The following RARS1 variants were observed in gnomAD, a reference collection of about 807,000 sequenced individuals.
The protein encoded by RARS1 is arginyl-tRNA synthetase 1, also known as arginine--tRNA ligase, cytoplasmic.
In RARS1, 75 loss-of-function variants were observed where a neutral mutation model predicts 78.7. The ratio of observed to expected loss-of-function variants is 0.95; its 90% CI spans 0.79 to 1.15. The LOEUF is 1.15. RARS1 is among the 50% of genes most tolerant of loss of function. The pLI, the probability that RARS1 is intolerant of heterozygous loss-of-function variation, is 0.00. For missense variants in RARS1, 787 were observed against 787.5 expected (o/e 1.00, Z 0.01); for synonymous variants, 273 against 268.2 (o/e 1.02, Z -0.18).
chr5:168,491,883 G>C (rs1758093116), intron 2 of RARS1, among the ~76,000 whole-genome samples: 2 of 149,278 alleles, frequency 1.3e-5, no homozygotes, highest in Admixed American at 1.3e-4. Context: ...ACATAAAATT[G>C]ACAAACATAA....
intron 9 of RARS1, among the ~76,000 whole-genome samples, chr5:168,502,384 A>ATATTTTTTTTTTTTTTT (rs1280220276): frequency 2.4e-5 from 3 of 127,244 alleles, no homozygotes; most frequent in African/African-American, 9.5e-5. Flanking sequence ...ATATATATAT[A>ATATTTTTTTTTTTTTTT]TTTTTTTTTT....
chr5:168,512,696 C>T (rs950877952), intron 12 of RARS1, among the ~76,000 whole-genome samples: 21 of 152,086 alleles, frequency 1.4e-4, no homozygotes, highest in African/African-American at 4.8e-4. Flanking sequence ...AGATGTAGGC[C>T]GAGAAGCTAG....
intron 6 of RARS1, among the ~76,000 whole-genome samples, chr5:168,496,024 A>G (rs1207251030): frequency 2.0e-5 from 3 of 152,102 alleles, no homozygotes; most frequent in Non-Finnish European, 4.4e-5. Flanking sequence ...TTTAAATAAT[A>G]CAAATTAAAG....
chr5:168,495,735 G>A (rs148030195), intron 6 of RARS1, among the ~76,000 whole-genome samples: 14 of 152,338 alleles, frequency 9.2e-5, no homozygotes, highest in East Asian at 1.9e-4. Flanking sequence ...CTAGCAGGGA[G>A]AGAAGTAGTA....
rs139893061 is a variant in RARS1 at position 168,516,714 on chromosome 5, A to G, written c.1453-64A>G. On this transcript the variant is annotated intron_variant, in intron 12 of 14. Transcript: ENST00000231572. ...TGTTCCCTACCCCAGTCTTATGCCT[A>G]TGAGACACCAGGGCAGAAGCAGCAG... 92 of 1,529,986 alleles carry G rather than the reference A, an allele frequency of 6.0e-5. No individual in the cohort carries two copies. The African/African-American group carries it at 1.2e-3, about 20-fold the overall frequency. 94.8% of individuals were successfully genotyped at this position (1,529,986 alleles called of 1,614,324 possible).
Position 168,518,011 on chromosome 5 carries a change from T to C in RARS1, c.1822T>C (p.Phe608Leu). Residue 608 changes from phenylalanine to leucine, a missense_variant, in exon 14 of 15, where the codon TTC becomes CTC. Phe to Leu is a conservative substitution (Grantham distance 22). Transcript: ENST00000231572. ...CDYIYELATA[F>L]TEFYDSCYCV... is the part of the protein sequence containing the mutation. ...TTATATATATGAGCTGGCAACTGCT[T>C]TCACAGAGTTCTATGATAGCTGCTA... 6.2e-7 allele frequency: 1 copy of C among 1,610,542 alleles called. No individual in the cohort carries two copies. Among genetic ancestry groups the C allele is most frequent in the Non-Finnish European group, 8.5e-7 (1 of 1,178,926 alleles).
At chr5:168,491,946 C>CTTTT (rs149780336) in intron 2 of RARS1, among the ~76,000 whole-genome samples, 16 of 102,614 alleles carry the variant, frequency 1.6e-4, no homozygotes, top group Non-Finnish European at 2.6e-4. Flanking sequence ...TGTCATTCAC[C>CTTTT]TTTTTTTTTT....
chr5:168,516,896 T>C lies in RARS1; in HGVS notation c.1571T>C (p.Leu524Pro), dbSNP rs756498970. The change falls in exon 13 of 15, where the codon CTA becomes CCA. Residue 524 changes from leucine to proline, a missense_variant. Leu to Pro is a moderately conservative substitution (Grantham distance 98). Transcript: ENST00000231572. ...NDYIFSFDKM[L>P]DDRGNTAAYL... ...TACATCTTCTCCTTTGACAAAATGCTAGATGACAGAGGAAATACAGCTGCT... is the reference window on the plus strand; with the variant it reads ...TACATCTTCTCCTTTGACAAAATGCCAGATGACAGAGGAAATACAGCTGCT... 1 of 1,614,168 alleles carries C rather than the reference T, an allele frequency of 6.2e-7. No homozygotes were observed. Among genetic ancestry groups the C allele is most frequent in the Non-Finnish European group, 8.5e-7 (1 of 1,179,986 alleles).
At chr5:168,507,273 C>T (rs1561825600) in intron 11 of RARS1, among the ~76,000 whole-genome samples, 2 of 152,136 alleles carry the variant, frequency 1.3e-5, no homozygotes, top group African/African-American at 2.4e-5. Context: ...GTTATGTTCT[C>T]TCCAAAAATA....
chr5:168,517,744 A>C, intron 13 of RARS1, 71 bp from the exon 14 acceptor site: 1 of 1,109,450 alleles, frequency 9.0e-7, no homozygotes, highest in Non-Finnish European at 1.2e-6. Flanking sequence ...GATAATTTCG[A>C]GTGGAGAATG....
chr5:168,516,739 G>A (rs752421204), intron 12 of RARS1, 39 bp from the exon 13 acceptor site: 2 of 1,602,008 alleles, frequency 1.2e-6, no homozygotes, highest in African/African-American at 2.7e-5. Flanking sequence ...AGAAGCAGCA[G>A]TCAGTAAGCT....
chr5:168,505,652 T>C (rs1758427013), intron 9 of RARS1, among the ~76,000 whole-genome samples: 1 of 141,512 alleles, frequency 7.1e-6, no homozygotes, highest in Admixed American at 7.6e-5. Context: ...GACAGGAGAA[T>C]CACTTGAGCC....
intron 6 of RARS1, among the ~76,000 whole-genome samples, chr5:168,496,318 G>A (rs1242977879): frequency 1.3e-5 from 2 of 149,190 alleles, no homozygotes; most frequent in Admixed American, 6.7e-5. Flanking sequence ...GGCAGAGATA[G>A]CAGTGAGCTG....
Position 168,486,471 on chromosome 5 carries a change from A to C in RARS1, c.-28A>C, listed in dbSNP as rs1284067558. On this transcript the variant is annotated 5_prime_UTR_variant, in exon 1 of 15. Coordinates refer to ENST00000231572, the MANE Select transcript of RARS1 (RefSeq NM_002887.4). ...AGGCTGACCGTTTCCGCTTCCGTCCACTTGGCGAGTGAGACGCTGATGGGA... is the reference window on the plus strand; with the variant it reads ...AGGCTGACCGTTTCCGCTTCCGTCCCCTTGGCGAGTGAGACGCTGATGGGA... 6.4e-7 allele frequency: 1 copy of C among 1,553,812 alleles called. No individual in the cohort carries two copies. Among genetic ancestry groups the C allele is most frequent in the Non-Finnish European group, 8.7e-7 (1 of 1,147,664 alleles).
chr5:168,496,120 T>TG lies in RARS1; in HGVS notation c.701+684_701+685insG, dbSNP rs368259852. 3.9e-3 allele frequency among the ~76,000 whole-genome samples: 597 copies of TG among 151,980 alleles called. 3 individuals carry two copies. The highest frequency in any genetic ancestry group is 0.014 in the African/African-American group (568 of 41,478). Reference sequence around the variant, plus strand: ...GTTAGGCCAGGCACGGTGGCTCACGTCTGTAAACCCAGCACTTTGGGAGGC... The same window carrying TG: ...GTTAGGCCAGGCACGGTGGCTCACGTGCTGTAAACCCAGCACTTTGGGAGGC... On this transcript the variant is annotated intron_variant, in intron 6 of 14. Coordinates refer to ENST00000231572, the MANE Select transcript of RARS1 (RefSeq NM_002887.4).
At chr5:168,497,156 A>G (rs981205537) in intron 6 of RARS1, 72 bp from the exon 7 acceptor site, 17 of 1,173,142 alleles carry the variant, frequency 1.4e-5, no homozygotes, top group Admixed American at 3.7e-5. Context: ...CTAATGGAAT[A>G]TAGTTCCTCT....
chr5:168,506,111 C>G lies in RARS1; in HGVS notation c.1148C>G (p.Thr383Ser), dbSNP rs765405466. 2.5e-6 allele frequency: 4 copies of G among 1,602,056 alleles called. No individual in the cohort carries two copies. The highest frequency in any genetic ancestry group is 3.4e-6 in the Non-Finnish European group (4 of 1,172,948). ...LTIVKSDGGYTYDTSDLAAIK... is the reference protein window; with the variant it reads ...LTIVKSDGGYSYDTSDLAAIK... ...ATAGTAAAATCAGATGGAGGTTATA[C>G]CTATGATACATCTGACCTGGCTGCT... Residue 383 changes from threonine (T) to serine (S), a missense_variant, in exon 10 of 15, where the codon ACC becomes AGC. Transcript: ENST00000231572.
At chr5:168,506,648 T>G (rs980846804) in intron 10 of RARS1, 74 bp from the exon 11 acceptor site, 4 of 1,160,266 alleles carry the variant, frequency 3.4e-6, no homozygotes, top group Non-Finnish European at 5.0e-6. Flanking sequence ...GATCTATTCC[T>G]AAGCAAAAGA....
chr5:168,519,014 A>G (rs1758730445), intron 14 of RARS1, 67 bp from the exon 15 acceptor site: 6 of 1,392,596 alleles, frequency 4.3e-6, no homozygotes, highest in Non-Finnish European at 5.0e-6. Flanking sequence ...CAAGTAACAT[A>G]GATTCTTTAA....
Sources: allele counts gnomAD v4.1 joint callset (sites outside exome capture counted in the v4.1 genomes callset), GRCh38; gene constraint gnomAD v4.1.1; transcripts MANE v1.5; gene names NCBI Gene and HGNC (gene_info 2026-07-23, HGNC 2026-07-21).